Variants in AFDN observed in about 807,000 individuals in gnomAD.
AFDN encodes afadin.
Under a neutral mutation model 216.6 loss-of-function variants are expected in AFDN, and 68 were observed. The observed-to-expected ratio is 0.31, with a 90% CI of 0.26 to 0.38. AFDN has a LOEUF of 0.38. Ranked by LOEUF, AFDN falls within the 10% of genes least tolerant of loss-of-function variation. The probability of loss-of-function intolerance (pLI) is 1.00; values close to 1 mark genes in which losing one functional copy is unlikely to be tolerated. For synonymous variants in AFDN, 868 were observed against 853.7 expected (o/e 1.02, Z -0.29); for missense variants, 2,136 against 2,342.0 (o/e 0.91, Z 1.82).
intron 3 of AFDN, among the ~76,000 whole-genome samples, chr6:167,871,238 A>G (rs1013492704): frequency 6.6e-6 from 1 of 151,154 alleles, no homozygotes; most frequent in South Asian, 2.1e-4. Flanking sequence ...AAATGTATTG[A>G]CCTTATTTGT....
At chr6:167,924,842 A>G in intron 22 of AFDN, 163 bp from the exon 23 acceptor site, 1 of 689,384 alleles carries the variant, frequency 1.5e-6, no homozygotes, top group Non-Finnish European at 2.7e-6. Flanking sequence ...TAATACCTGA[A>G]GAGTATCTAT....
intron 12 of AFDN, among the ~76,000 whole-genome samples, chr6:167,905,267 G>C (rs899050844): frequency 6.6e-6 from 1 of 152,110 alleles, no homozygotes; most frequent in Non-Finnish European, 1.5e-5. Context: ...TCTGCAAGTG[G>C]GGCTCCTGTT....
chr6:167,850,527 G>C (rs1246116551), intron 1 of AFDN, among the ~76,000 whole-genome samples: 1 of 152,118 alleles, frequency 6.6e-6, no homozygotes, highest in Non-Finnish European at 1.5e-5. Context: ...TATAGTTTGA[G>C]TGTTTACTTT....
intron 23 of AFDN, among the ~76,000 whole-genome samples, chr6:167,941,511 G>A (rs13220723): frequency 6.6e-5 from 1 of 15,154 alleles, no homozygotes; most frequent in Non-Finnish European, 1.0e-4. Context: ...CACAGGAGAG[G>A]TGTGTGGACA....
At chr6:167,873,019 T>G (rs1202382382) in intron 4 of AFDN, among the ~76,000 whole-genome samples, 3 of 152,240 alleles carry the variant, frequency 2.0e-5, no homozygotes, top group Non-Finnish European at 4.4e-5. Context: ...GTTTTCACCC[T>G]CAGCAGTTTT....
At chr6:167,898,145 C>G in intron 10 of AFDN, 60 bp from the exon 11 acceptor site, 1 of 1,576,486 alleles carries the variant, frequency 6.3e-7, no homozygotes, top group South Asian at 1.2e-5. Context: ...TTTTAACATT[C>G]TGTGTTTAAA....
intron 23 of AFDN, among the ~76,000 whole-genome samples, chr6:167,927,450 A>G (rs916549175): frequency 6.6e-6 from 1 of 152,196 alleles, no homozygotes; most frequent in Non-Finnish European, 1.5e-5. Flanking sequence ...TCTGTGCCTT[A>G]TCTTGTAGGC....
At chr6:167,827,422 C>T (rs1457472645) in intron 1 of AFDN, among the ~76,000 whole-genome samples, 185 bp downstream of exon 1, 1 of 144,698 alleles carries the variant, frequency 6.9e-6, no homozygotes, top group Non-Finnish European at 1.5e-5. Flanking sequence ...CAGCCCCCGT[C>T]CCCCTGCCGC....
intron 32 of AFDN, 41 bp downstream of exon 32, chr6:167,966,086 C>T (rs1220744223): frequency 5.9e-6 from 9 of 1,537,810 alleles, no homozygotes; most frequent in Non-Finnish European, 7.0e-6. Flanking sequence ...CTCATGGGGA[C>T]CTTCTTCCTG....
intron 6 of AFDN, among the ~76,000 whole-genome samples, chr6:167,885,266 C>T (rs558355547): frequency 6.6e-6 from 1 of 152,218 alleles, no homozygotes. Flanking sequence ...TGGAGTAGCA[C>T]TTTTAATTTC....
intron 30 of AFDN, among the ~76,000 whole-genome samples, chr6:167,959,600 A>G (rs780406845): frequency 6.6e-6 from 1 of 152,214 alleles, no homozygotes; most frequent in Non-Finnish European, 1.5e-5. Context: ...TCGTGTTTTC[A>G]GTAATTTGTC....
Position 167,962,800 on chromosome 6 carries a change from C to A in AFDN, c.4968+233C>A. 7.3e-7 allele frequency: 1 copy of A among 1,368,306 alleles called. No individual in the cohort carries two copies. Among genetic ancestry groups the A allele is most frequent in the Non-Finnish European group, 9.4e-7 (1 of 1,059,918 alleles). The allele number at this position is 1,368,306 out of a possible 1,614,324, so 84.8% of individuals were successfully genotyped here. A position where few individuals can be genotyped will look rare whatever the true frequency, so the allele number is the denominator to read the frequency against. ...TCTGCCAAGTTTTGTCTCCTTCAAA[C>A]TTCTGAACTCTTGGGCGTGTGTAGC... On this transcript the variant is annotated intron_variant, in intron 31 of 33. Transcript: ENST00000683244. The surrounding 1 kb of genome is among the most constrained non-coding windows in gnomAD (Gnocchi z 5.2).
chr6:167,911,202 T>C (rs1384189114), intron 14 of AFDN, 40 bp downstream of exon 14: 2 of 1,605,906 alleles, frequency 1.2e-6, no homozygotes, highest in African/African-American at 2.7e-5. Context: ...AATTATTTCT[T>C]GATCCATTTT....
chr6:167,851,161 C>T (rs1201416873), intron 1 of AFDN, among the ~76,000 whole-genome samples: 1 of 152,178 alleles, frequency 6.6e-6, no homozygotes, highest in African/African-American at 2.4e-5. Flanking sequence ...TTTTTCACGT[C>T]ATATATACAG....
chr6:167,894,260 T>C (rs1248662546), intron 9 of AFDN, among the ~76,000 whole-genome samples: 1 of 152,120 alleles, frequency 6.6e-6, no homozygotes, highest in African/African-American at 2.4e-5. Flanking sequence ...CCTTCATCTG[T>C]AGAATAGGAA....
At chr6:167,892,247 G>C (rs942308881) in intron 8 of AFDN, among the ~76,000 whole-genome samples, 1 of 152,148 alleles carries the variant, frequency 6.6e-6, no homozygotes, top group Admixed American at 6.5e-5. Flanking sequence ...GCTAACCTCA[G>C]TTCTCTGGGT....
At chr6:167,969,235 T>A (rs368220510) in intron 33 of AFDN, 37 bp downstream of exon 33, 41 of 1,473,206 alleles carry the variant, frequency 2.8e-5, no homozygotes, top group Non-Finnish European at 1.0e-5. Flanking sequence ...ACTTCATCTG[T>A]ACCTGATGAG....
At position 167,947,390 on chromosome 6, in the gene AFDN, A is replaced by G. The variant is rs192826692; in HGVS notation, c.3554-463A>G. Among the ~76,000 whole-genome samples, 136 of 152,312 alleles carry G rather than the reference A, an allele frequency of 8.9e-4. 1 individual carries two copies. In the East Asian group the frequency reaches 0.021, roughly 23 times the overall value. The stretch of plus-strand genomic sequence containing the variant: ...GAGACGGGGTTTCACCATGTTAGCC[A>G]GGATGGTCTCGATCTCCTGACCTCG... On this transcript the variant is annotated intron_variant, in intron 27 of 33. Coordinates refer to ENST00000683244, the MANE Select transcript of AFDN (RefSeq NM_001386888.1).
At chr6:167,845,908 G>A (rs1193185001) in intron 1 of AFDN, among the ~76,000 whole-genome samples, 1 of 152,126 alleles carries the variant, frequency 6.6e-6, no homozygotes, top group Non-Finnish European at 1.5e-5. Context: ...AATCATGACG[G>A]AAGACAAAGG....
Sources: gnomAD v4.1 joint callset for allele counts (sites outside exome capture counted in the v4.1 genomes callset) on GRCh38, gnomAD v4.1.1 for gene constraint, Gnocchi (gnomAD v3.1) non-coding constraint, MANE v1.5 for transcripts, NCBI Gene and HGNC (gene_info 2026-07-23, HGNC 2026-07-21) for gene names.